Variants in DMD observed in about 807,000 individuals in gnomAD.
DMD encodes mutant dystrophin.
A neutral mutation model predicts 330.1 loss-of-function variants in DMD; 63 were observed. That is an observed-to-expected ratio of 0.19 (90% CI 0.16 to 0.24). The LOEUF is 0.24. Ranked by LOEUF, DMD falls within the 10% of genes least tolerant of loss-of-function variation. DMD has a pLI of 1.00. For missense variants in DMD, 3,344 were observed against 2,684.1 expected (o/e 1.25, Z -5.43); for synonymous variants, 1,223 against 959.8 (o/e 1.27, Z -5.07).
At chrX:31,412,419 T>C (rs892524898) in intron 60 of DMD, among the ~76,000 whole-genome samples, 2 of 111,748 alleles carry the variant, frequency 1.8e-5, no homozygotes, top group Non-Finnish European at 3.8e-5. Flanking sequence ...TAGATGTAAA[T>C]ATAATCATGG....
At chrX:31,414,920 G>T (rs2061801776) in intron 60 of DMD, among the ~76,000 whole-genome samples, 1 of 112,384 alleles carries the variant, frequency 8.9e-6, no homozygotes, top group African/African-American at 3.2e-5. Context: ...TAGTTTCAAA[G>T]GTTTTCTACC....
intron 67 of DMD, among the ~76,000 whole-genome samples, chrX:31,194,559 G>A (rs534649708): frequency 2.2e-4 from 25 of 112,704 alleles, no homozygotes; most frequent in African/African-American, 8.1e-4. Context: ...ACAGAGCTGA[G>A]AGGGTGGAGG....
In DMD at chrX:32,626,801, A is replaced by G. The variant is rs913855752; in HGVS notation, c.1332-12348T>C. Among the ~76,000 whole-genome samples, 7 of 104,227 alleles carry G rather than the reference A, an allele frequency of 6.7e-5. 1 individual carries two copies. Among genetic ancestry groups the G allele is most frequent in the Non-Finnish European group, 9.4e-5 (5 of 52,941 alleles). The allele number at this position is 104,227 out of a possible 115,157, so 90.5% of individuals were successfully genotyped here. A position where few individuals can be genotyped will look rare whatever the true frequency, so the allele number is the denominator to read the frequency against. On this transcript the variant is annotated intron_variant, in intron 11 of 78. Transcript: ENST00000357033. ...GTTGTGCACATGCATCCTAGAAATT[A>G]AAGTATAATAATAATAATAAAAGAG...
In DMD at chrX:32,811,960, G is replaced by C. The variant is rs373353288; in HGVS notation, c.531-2349C>G. On this transcript the variant is annotated intron_variant, in intron 6 of 78. Coordinates refer to ENST00000357033, the MANE Select transcript of DMD (RefSeq NM_004006.3). ...CAGATAATCAAGACCTCACAGGCCT[G>C]GCTCCATTGGAAGATTCTAAGTATC... is the stretch of plus-strand genomic sequence containing the variant. Among the ~76,000 whole-genome samples the C allele has an allele frequency of 2.7e-5, 3 of 111,932 alleles. No homozygotes were observed. The East Asian group carries it at 8.4e-4, about 31-fold the overall frequency.
chrX:33,153,127 T>A (rs1375688638), intron 1 of DMD, among the ~76,000 whole-genome samples: 1 of 112,639 alleles, frequency 8.9e-6, no homozygotes, highest in Non-Finnish European at 1.9e-5. Flanking sequence ...CAAAAACAAC[T>A]AGGCAGGGGG....
chrX:31,489,833 T>C (rs1332353314), intron 57 of DMD, among the ~76,000 whole-genome samples: 2 of 112,418 alleles, frequency 1.8e-5, no homozygotes, highest in Non-Finnish European at 3.8e-5. Context: ...GGCAAAACAC[T>C]ATGCAGATAC....
At chrX:31,947,373 C>G (rs1242488558) in intron 45 of DMD, among the ~76,000 whole-genome samples, 1 of 112,231 alleles carries the variant, frequency 8.9e-6, no homozygotes, top group East Asian at 2.8e-4. Flanking sequence ...AATCCTCTTG[C>G]CTTGGCCTCC....
chrX:31,866,351 C>T (rs1038201468), intron 48 of DMD, among the ~76,000 whole-genome samples: 1 of 111,349 alleles, frequency 9.0e-6, no homozygotes, highest in African/African-American at 3.3e-5. Context: ...GTTGAAAAAG[C>T]TAATTGGAAA....
chrX:31,679,474 T>G lies in DMD; in HGVS notation c.7773A>C (p.Glu2591Asp). 8.2e-7 allele frequency: 1 copy of G among 1,212,248 alleles called. No individual in the cohort carries two copies. Among genetic ancestry groups the G allele is most frequent in the Non-Finnish European group, 1.1e-6 (1 of 895,574 alleles). Residue 2591 changes from glutamate to aspartate, a missense_variant, in exon 53 of 79, where the codon GAA becomes GAC. Coordinates refer to ENST00000357033, the MANE Select transcript of DMD (RefSeq NM_004006.3). Reference protein sequence around the residue: ...DSTQWLEAKEEAEQVLGQARA... With the variant: ...DSTQWLEAKEDAEQVLGQARA... ...TGGCCTGTCCTAAGACCTGCTCAGC[T>G]TCTTCCTTAGCTTCCAGCCATTGTG...
At chrX:32,035,665 C>A (rs1462696112) in intron 44 of DMD, 1 of 191,290 alleles carries the variant, frequency 5.2e-6, no homozygotes, top group African/African-American at 3.0e-5. Context: ...TATACAGATA[C>A]CTAATCAGAC....
intron 77 of DMD, among the ~76,000 whole-genome samples, chrX:31,131,619 A>G (rs1290271212): frequency 9.0e-6 from 1 of 111,691 alleles, no homozygotes; most frequent in African/African-American, 3.3e-5. Flanking sequence ...TAATCCCAAG[A>G]TGTTAAGATT....
intron 30 of DMD, 92 bp from the exon 31 acceptor site, chrX:32,390,273 C>T: frequency 1.5e-6 from 1 of 652,359 alleles, no homozygotes; most frequent in Non-Finnish European, 2.5e-6. Flanking sequence ...CCTCAACCAC[C>T]TCTACCATGT....
At chrX:31,432,631 T>C (rs774968708) in intron 60 of DMD, among the ~76,000 whole-genome samples, 25 of 111,608 alleles carry the variant, frequency 2.2e-4, no homozygotes, top group Non-Finnish European at 4.3e-4. Flanking sequence ...AATGCCTTTA[T>C]TAGAATAAAG....
upstream of DMD, among the ~76,000 whole-genome samples, chrX:33,216,143 T>C (rs989857275): frequency 8.9e-6 from 1 of 112,270 alleles, no homozygotes; most frequent in Non-Finnish European, 1.9e-5. Context: ...ACAATATTTA[T>C]TCTTCCAATC....
chrX:32,384,985 G>A (rs1304977441), intron 33 of DMD, among the ~76,000 whole-genome samples: 3 of 111,070 alleles, frequency 2.7e-5, no homozygotes, highest in Non-Finnish European at 5.7e-5. Flanking sequence ...ACCACTCAAA[G>A]CAATTTACAG....
In DMD at chrX:32,595,782, G is replaced by T; in HGVS notation, c.1577C>A (p.Thr526Asn). The T allele has an allele frequency of 8.3e-7, 1 of 1,210,700 alleles. No individual in the cohort carries two copies. The highest frequency in any genetic ancestry group is 1.1e-6 in the Non-Finnish European group (1 of 894,470). ...VVDESSGDHA[T>N]AALEEQLKVL... is the part of the protein sequence containing the mutation. Reference sequence around the variant, plus strand: ...CTTAAGTTGTTCTTCCAAAGCAGCAGTTGCGTGATCTCCACTAGATTCATC... The same window carrying T: ...CTTAAGTTGTTCTTCCAAAGCAGCATTTGCGTGATCTCCACTAGATTCATC... The change falls in exon 13 of 79, where the codon ACT becomes AAT. Residue 526 changes from threonine (T) to asparagine (N), a missense_variant. Transcript: ENST00000357033.
intron 25 of DMD, among the ~76,000 whole-genome samples, chrX:32,456,714 G>C (rs913960555): frequency 9.3e-6 from 1 of 107,612 alleles, no homozygotes; most frequent in African/African-American, 3.4e-5. Flanking sequence ...TGATAGATTT[G>C]ATGTTCGGCT....
chrX:31,932,244 A>T lies in DMD; in HGVS notation c.6615-17T>A. 8.6e-7 allele frequency: 1 copy of T among 1,161,027 alleles called. No individual in the cohort carries two copies. ...TCTTCTAGCCTGGAGAAAGAAGAAT[A>T]AAATTGTTATTTTTTTTTCCAACAT... On this transcript the variant is annotated splice_polypyrimidine_tract_variant and intron_variant, in intron 45 of 78. Coordinates refer to ENST00000357033, the MANE Select transcript of DMD (RefSeq NM_004006.3).
chrX:32,342,563 T>C (rs1479902117), intron 40 of DMD: 3 of 339,545 alleles, frequency 8.8e-6, no homozygotes, highest in Non-Finnish European at 1.5e-5. Context: ...GTCTTGGGAT[T>C]TGAAACAATT....
Sources: gnomAD v4.1 joint callset for allele counts (sites outside exome capture counted in the v4.1 genomes callset) on GRCh38, gnomAD v4.1.1 for gene constraint, MANE v1.5 for transcripts, NCBI Gene and HGNC (gene_info 2026-07-23, HGNC 2026-07-21) for gene names.